SNTG1: variants seen among roughly 807,000 people sequenced by gnomAD.
The protein encoded by SNTG1 is gamma-1-syntrophin.
Under a neutral mutation model 74.7 loss-of-function variants are expected in SNTG1, and 39 were observed. That is an observed-to-expected ratio of 0.52 (90% CI 0.40 to 0.68). The LOEUF is 0.68. Ranked by LOEUF, SNTG1 falls within the 30% of genes least tolerant of loss-of-function variation. The probability of loss-of-function intolerance (pLI) is 0.00; values close to 1 mark genes in which losing one functional copy is unlikely to be tolerated. For missense variants in SNTG1, 685 were observed against 609.5 expected (o/e 1.12, Z -1.30); for synonymous variants, 254 against 217.1 (o/e 1.17, Z -1.49).
intron 2 of SNTG1, among the ~76,000 whole-genome samples, chr8:50,216,902 TCA>T (rs1401892979): frequency 6.6e-6 from 1 of 152,008 alleles, no homozygotes; most frequent in Admixed American, 6.6e-5. Flanking sequence ...GTTTGTTACA[TCA>T]GAGACTAGTC....
intron 4 of SNTG1, among the ~76,000 whole-genome samples, chr8:50,422,835 C>T (rs963789980): frequency 6.6e-6 from 1 of 152,162 alleles, no homozygotes; most frequent in African/African-American, 2.4e-5. Context: ...AATGCAGGCT[C>T]CTCTACTCTT....
intron 1 of SNTG1, among the ~76,000 whole-genome samples, chr8:50,159,138 T>C (rs903430017): frequency 1.3e-5 from 2 of 152,168 alleles, no homozygotes; most frequent in Non-Finnish European, 2.9e-5. Context: ...GGCTCCATGT[T>C]TATATTGGAT....
chr8:50,380,416 A>G (rs1210367311), intron 2 of SNTG1, among the ~76,000 whole-genome samples: 1 of 152,170 alleles, frequency 6.6e-6, no homozygotes, highest in African/African-American at 2.4e-5. Flanking sequence ...AATTTTGCAT[A>G]TTTCATTATT....
Position 50,671,340 on chromosome 8 carries a change from T to C in SNTG1, c.1038+12677T>C, listed in dbSNP as rs1372931108. 2.0e-5 allele frequency among the ~76,000 whole-genome samples: 3 copies of C among 151,428 alleles called. No homozygotes were observed. The East Asian group carries it at 5.8e-4, about 29-fold the overall frequency. The stretch of plus-strand genomic sequence containing the variant: ...AGAATCTACAATGAACTCAAACAAA[T>C]TTACAAGAAAAAAACAAACAACCCC... On this transcript the variant is annotated intron_variant, in intron 15 of 18. Coordinates refer to ENST00000642720, the MANE Select transcript of SNTG1 (RefSeq NM_018967.5).
intron 9 of SNTG1, among the ~76,000 whole-genome samples, chr8:50,505,637 G>GCCATTTGCATATTTT (rs2093999856): frequency 6.6e-6 from 1 of 151,854 alleles, no homozygotes. Context: ...ATATTTATTG[G>GCCATTTGCATATTTT]CCATTTGCAT....
chr8:50,412,662 A>G (rs1291537186), intron 4 of SNTG1, among the ~76,000 whole-genome samples: 1 of 152,212 alleles, frequency 6.6e-6, no homozygotes, highest in Non-Finnish European at 1.5e-5. Flanking sequence ...AGAGGATGTG[A>G]TTAAGGTCCC....
intron 3 of SNTG1, among the ~76,000 whole-genome samples, chr8:50,399,694 T>C (rs900297517): frequency 3.8e-5 from 3 of 78,298 alleles, no homozygotes; most frequent in African/African-American, 1.2e-4. Context: ...TCAGAGTGGC[T>C]TCCCCCCTCA....
chr8:50,170,219 T>C (rs1273036261), intron 1 of SNTG1, among the ~76,000 whole-genome samples: 1 of 152,186 alleles, frequency 6.6e-6, no homozygotes, highest in Non-Finnish European at 1.5e-5. Flanking sequence ...CACCTCAACA[T>C]TGGTCCTTTG....
chr8:50,681,227 A>G (rs1402862151), intron 15 of SNTG1, among the ~76,000 whole-genome samples: 1 of 151,744 alleles, frequency 6.6e-6, no homozygotes, highest in Non-Finnish European at 1.5e-5. Context: ...TGCAGGTTAC[A>G]TGCTTATGTT....
intron 9 of SNTG1, among the ~76,000 whole-genome samples, chr8:50,512,122 A>G (rs1055488591): frequency 2.6e-5 from 4 of 151,816 alleles, no homozygotes; most frequent in African/African-American, 9.7e-5. Context: ...TGGTGACAAA[A>G]TCTCTCAGCA....
rs2095700747 is a variant in SNTG1, at chr8:50,794,757, A to G, written c.*1928A>G. On this transcript the variant is annotated 3_prime_UTR_variant, in exon 19 of 19. Coordinates refer to ENST00000642720, the MANE Select transcript of SNTG1 (RefSeq NM_018967.5). Reference sequence around the variant, plus strand: ...TCAGTGTGCCCCATATTGGGGTTACATGAATGTGTCCACAATCTGGAAGGC... The same window carrying G: ...TCAGTGTGCCCCATATTGGGGTTACGTGAATGTGTCCACAATCTGGAAGGC... The G allele has an allele frequency of 6.6e-6, 1 of 152,046 alleles. No homozygotes were observed. The highest frequency in any genetic ancestry group is 2.1e-4 in the South Asian group (1 of 4,838). 9.4% of individuals were successfully genotyped at this position (152,046 alleles called of 1,614,324 possible). A position where few individuals can be genotyped will look rare whatever the true frequency, so the allele number is the denominator to read the frequency against.
intron 1 of SNTG1, among the ~76,000 whole-genome samples, chr8:50,112,642 G>A (rs1022973784): frequency 6.7e-6 from 1 of 149,818 alleles, no homozygotes; most frequent in South Asian, 2.1e-4. Flanking sequence ...TCTGCCTCAG[G>A]CTTCCGAGTA....
intron 8 of SNTG1, among the ~76,000 whole-genome samples, chr8:50,454,527 A>G (rs1436582177): frequency 6.7e-6 from 1 of 148,722 alleles, no homozygotes; most frequent in Non-Finnish European, 1.5e-5. Flanking sequence ...ACAAAACAAA[A>G]CAACAACAAC....
At chr8:50,377,482 C>T (rs910819841) in intron 2 of SNTG1, among the ~76,000 whole-genome samples, 14 of 151,802 alleles carry the variant, frequency 9.2e-5, no homozygotes, top group African/African-American at 3.4e-4. Flanking sequence ...TTTTCTAATT[C>T]ACTCTTCACT....
intron 1 of SNTG1, among the ~76,000 whole-genome samples, chr8:50,024,258 A>G (rs546474347): frequency 4.6e-5 from 7 of 152,288 alleles, no homozygotes; most frequent in African/African-American, 1.7e-4. Context: ...TGACCTGTCC[A>G]TGACTTAACT....
intron 2 of SNTG1, among the ~76,000 whole-genome samples, chr8:50,242,895 G>C (rs2086229427): frequency 6.6e-6 from 1 of 151,702 alleles, no homozygotes; most frequent in African/African-American, 2.4e-5. Context: ...AATAAATAAT[G>C]TATGTTTTTA....
At chr8:49,979,745 C>G (rs934050061) in intron 1 of SNTG1, among the ~76,000 whole-genome samples, 2 of 152,214 alleles carry the variant, frequency 1.3e-5, no homozygotes, top group Non-Finnish European at 2.9e-5. Flanking sequence ...GGAGCCTGCT[C>G]CAGGTATACT....
chr8:50,698,899 G>A (rs1210194674), intron 15 of SNTG1, among the ~76,000 whole-genome samples: 1 of 152,078 alleles, frequency 6.6e-6, no homozygotes, highest in Non-Finnish European at 1.5e-5. Context: ...CCCATATTGG[G>A]AATTTACTCT....
At chr8:50,423,514 T>C (rs960279745) in intron 4 of SNTG1, among the ~76,000 whole-genome samples, 1 of 152,222 alleles carries the variant, frequency 6.6e-6, no homozygotes, top group Non-Finnish European at 1.5e-5. Context: ...TTAACTCAAG[T>C]TAACTTCTTT....
Sources: gnomAD v4.1 joint callset for allele counts (sites outside exome capture counted in the v4.1 genomes callset) on GRCh38, gnomAD v4.1.1 for gene constraint, MANE v1.5 for transcripts, NCBI Gene and HGNC (gene_info 2026-07-23, HGNC 2026-07-21) for gene names.